Variants in ZNF469 observed in about 807,000 individuals in gnomAD.
ZNF469 encodes zinc finger protein 469.
Under a neutral mutation model 1.0 loss-of-function variants are expected in ZNF469, and 1 was observed. The ratio of observed to expected loss-of-function variants is 1.00; its 90% CI spans 0.35 to 4.73. ZNF469 has a LOEUF of 4.73. Ranked by LOEUF, ZNF469 falls within the 30% of genes most tolerant of loss-of-function variation. The pLI, the probability that ZNF469 is intolerant of heterozygous loss-of-function variation, is 0.16. For missense variants in ZNF469, 6,100 were observed against 5,356.3 expected (o/e 1.14, Z -4.33); for synonymous variants, 2,703 against 2,363.4 (o/e 1.14, Z -4.17).
At chr16:88,199,783 G>T in the ZNF469 span, among the ~76,000 whole-genome samples, 7 of 152,206 alleles carry the variant, frequency 4.6e-5, no homozygotes, top group Admixed American at 2.6e-4. Context: ...TCTCTGTGTG[G>T]CTCCAGGGAC....
At chr16:88,160,215 G>A in the ZNF469 span, among the ~76,000 whole-genome samples, 2 of 152,212 alleles carry the variant, frequency 1.3e-5, no homozygotes, top group Non-Finnish European at 2.9e-5. Context: ...CACGGCTGTC[G>A]CTTGCCAATC....
At chr16:88,196,624 G>A in the ZNF469 span, among the ~76,000 whole-genome samples, 1 of 152,180 alleles carries the variant, frequency 6.6e-6, no homozygotes, top group East Asian at 1.9e-4. Flanking sequence ...AGCAATAAGG[G>A]AACAGGGCCT....
chr16:88,211,116 C>T, the ZNF469 span, among the ~76,000 whole-genome samples: 5 of 152,186 alleles, frequency 3.3e-5, no homozygotes, highest in Admixed American at 6.5e-5. Context: ...TAGTTTTTCC[C>T]CGCATTCTTG....
the ZNF469 span, among the ~76,000 whole-genome samples, chr16:88,316,272 G>C: frequency 2.0e-5 from 3 of 152,232 alleles, no homozygotes; most frequent in African/African-American, 7.2e-5. Context: ...GGGCGAGTGT[G>C]ATCGCAGCTG....
Position 88,438,881 on chromosome 16 carries a change from G to T in ZNF469, c.11411G>T (p.Ser3804Ile), listed in dbSNP as rs1432563096. 9 of 1,550,436 alleles carry T rather than the reference G, an allele frequency of 5.8e-6. No homozygotes were observed. In the South Asian group the frequency reaches 5.9e-5, roughly 10 times the overall value. The change falls in exon 3 of 3, where the codon AGC becomes ATC. Residue 3804 changes from serine to isoleucine, a missense_variant. By Grantham distance (142) the Ser-to-Ile change is moderately radical. Transcript: ENST00000565624. ...REAGEQGPHGSLGPKEKGESS... is the reference protein window; with the variant it reads ...REAGEQGPHGILGPKEKGESS... Reference sequence around the variant, plus strand: ...GCTGGTGAGCAGGGGCCCCACGGGAGCCTAGGTCCCAAGGAGAAGGGAGAG... The same window carrying T: ...GCTGGTGAGCAGGGGCCCCACGGGATCCTAGGTCCCAAGGAGAAGGGAGAG...
chr16:88,232,309 A>G, the ZNF469 span, among the ~76,000 whole-genome samples: 32 of 152,324 alleles, frequency 2.1e-4, no homozygotes, highest in African/African-American at 7.5e-4. Context: ...TTTAGAACAC[A>G]GATTTTAAAA....
At chr16:88,240,354 G>C in the ZNF469 span, among the ~76,000 whole-genome samples, 1 of 152,302 alleles carries the variant, frequency 6.6e-6, no homozygotes, top group Non-Finnish European at 1.5e-5. Context: ...GAGATTTGGA[G>C]GGAGGGAATG....
At chr16:88,108,131 G>A in the ZNF469 span, among the ~76,000 whole-genome samples, 55 of 108,232 alleles carry the variant, frequency 5.1e-4, no homozygotes, top group Middle Eastern at 4.9e-3. Flanking sequence ...GGAGGTGCAC[G>A]TCTGTGGGGA....
chr16:88,297,569 T>G, the ZNF469 span, among the ~76,000 whole-genome samples: 1 of 152,178 alleles, frequency 6.6e-6, no homozygotes, highest in African/African-American at 2.4e-5. Context: ...GAGCCCTGCA[T>G]GCCTGACCTC....
At chr16:88,360,114 A>T in the ZNF469 span, among the ~76,000 whole-genome samples, 1 of 151,960 alleles carries the variant, frequency 6.6e-6, no homozygotes, top group Non-Finnish European at 1.5e-5. Context: ...TCGGCCTCCC[A>T]AAGTGCTGGG....
At chr16:88,193,172 G>GTGGTGGTGATGATGGTGATGATGGT in the ZNF469 span, among the ~76,000 whole-genome samples, 1 of 5,476 alleles carries the variant, frequency 1.8e-4, no homozygotes, top group African/African-American at 7.9e-4. Context: ...ATGGTGGTGG[G>GTGGTGGTGATGATGGTGATGATGGT]GATGGTGGTG....
rs1567508834 is a variant in ZNF469 at position 88,427,977 on chromosome 16, T to C, written c.507T>C (p.Thr169=). ...CACTCAGGCCGGGCCTCCCAAGGAC[T>C]GAGGCCCAACCCGCCGCCGAAGAGC... ...GAPLRPGLPR[T]EAQPAAEELG... is the part of the protein sequence containing the mutation. The change falls in exon 3 of 3, where the codon ACT becomes ACC. Residue 169 remains threonine, a synonymous_variant. Transcript: ENST00000565624. 2 of 1,549,896 alleles carry C rather than the reference T, an allele frequency of 1.3e-6. No homozygotes were observed. Among genetic ancestry groups the C allele is most frequent in the Non-Finnish European group, 1.7e-6 (2 of 1,146,838 alleles).
chr16:88,433,550 C>T lies in ZNF469; in HGVS notation c.6080C>T (p.Thr2027Ile). ...SVNASPKTAL[T>I]GPTEGAVLLE... Reference sequence around the variant, plus strand: ...AATGCCAGTCCCAAAACAGCGCTGACCGGCCCCACCGAGGGTGCAGTCCTG... The same window carrying T: ...AATGCCAGTCCCAAAACAGCGCTGATCGGCCCCACCGAGGGTGCAGTCCTG... The change falls in exon 3 of 3, where the codon ACC becomes ATC. Residue 2027 changes from threonine to isoleucine, a missense_variant. By Grantham distance (89) the Thr-to-Ile change is moderately conservative (BLOSUM62 -1). Transcript: ENST00000565624. The T allele has an allele frequency of 6.5e-7, 1 of 1,550,376 alleles. No homozygotes were observed.
the ZNF469 span, among the ~76,000 whole-genome samples, chr16:88,308,524 CCACA>C: frequency 6.6e-6 from 1 of 152,196 alleles, no homozygotes; most frequent in Non-Finnish European, 1.5e-5. Flanking sequence ...GCCTGCCCCT[CCACA>C]CTCTGTTCTC....
In ZNF469 at chr16:88,436,048, T is replaced by C. The variant is rs921361748; in HGVS notation, c.8578T>C (p.Ser2860Pro). 5.8e-6 allele frequency: 9 copies of C among 1,550,156 alleles called. No homozygotes were observed. The African/African-American group carries it at 1.2e-4, about 21-fold the overall frequency. Residue 2860 changes from serine (S) to proline (P), a missense_variant, in exon 3 of 3, where the codon TCC (serine) becomes CCC (proline). Ser to Pro is a moderately conservative substitution (Grantham distance 74). Transcript: ENST00000565624. The stretch of plus-strand genomic sequence containing the variant: ...CTTGTTTGATGATGAGGTCTCTTTC[T>C]CCCAGCTCTTCCCTCCAGGCGGTCG... ...PSLFDDEVSF[S>P]QLFPPGGRLT...
the ZNF469 span, among the ~76,000 whole-genome samples, chr16:88,336,624 CACTA>C: frequency 6.6e-6 from 1 of 152,172 alleles, no homozygotes; most frequent in Non-Finnish European, 1.5e-5. Flanking sequence ...TCACGTGAGA[CACTA>C]ACGTGCCAAC....
the ZNF469 span, among the ~76,000 whole-genome samples, chr16:88,114,704 G>C: frequency 1.3e-5 from 2 of 152,230 alleles, no homozygotes; most frequent in Non-Finnish European, 2.9e-5. Context: ...AGGCGGGCCT[G>C]GCCCCCAGAT....
At chr16:88,403,340 C>G (rs982821493) in intron 1 of ZNF469, among the ~76,000 whole-genome samples, 1 of 152,258 alleles carries the variant, frequency 6.6e-6, no homozygotes, top group African/African-American at 2.4e-5. Context: ...TTAAAATCCT[C>G]TGCGTGGGTT....
At chr16:88,399,345 T>C (rs1377971654) in intron 1 of ZNF469, among the ~76,000 whole-genome samples, 1 of 152,228 alleles carries the variant, frequency 6.6e-6, no homozygotes, top group Non-Finnish European at 1.5e-5. Flanking sequence ...ATACACTCCA[T>C]GTCTGGATGG....
Sources: gnomAD v4.1 joint callset for allele counts (sites outside exome capture counted in the v4.1 genomes callset) on GRCh38, gnomAD v4.1.1 for gene constraint, MANE v1.5 for transcripts, NCBI Gene and HGNC (gene_info 2026-07-23, HGNC 2026-07-21) for gene names.